TMEM196: variants seen among roughly 807,000 people sequenced by gnomAD.
TMEM196 encodes transmembrane protein 196.
In TMEM196, 17 loss-of-function variants were observed where a neutral mutation model predicts 20.0. That is an observed-to-expected ratio of 0.85 (90% CI 0.58 to 1.27). The LOEUF is 1.27. TMEM196 is among the 50% of genes most tolerant of loss of function. The probability of loss-of-function intolerance (pLI) is 0.00; values close to 1 mark genes in which losing one functional copy is unlikely to be tolerated. For missense variants in TMEM196, 267 were observed against 223.0 expected (o/e 1.20, Z -1.26); for synonymous variants, 113 against 88.9 (o/e 1.27, Z -1.52).
chr7:19,758,891 C>T (rs186450797), intron 1 of TMEM196, among the ~76,000 whole-genome samples: 53 of 152,286 alleles, frequency 3.5e-4, no homozygotes, highest in Non-Finnish European at 6.5e-4. Context: ...ACTTGACTTG[C>T]TCTCTCTTTT....
chr7:19,740,311 A>T (rs985127441), intron 1 of TMEM196, among the ~76,000 whole-genome samples: 2 of 152,166 alleles, frequency 1.3e-5, no homozygotes, highest in Non-Finnish European at 2.9e-5. Context: ...TTATCTATAT[A>T]CAAGTTTGCT....
chr7:19,725,181 C>T (rs1349825848), intron 3 of TMEM196, among the ~76,000 whole-genome samples: 1 of 152,168 alleles, frequency 6.6e-6, no homozygotes, highest in Non-Finnish European at 1.5e-5. Flanking sequence ...ATTTCTAAAA[C>T]TGGCATTATT....
intron 1 of TMEM196, among the ~76,000 whole-genome samples, chr7:19,742,645 C>A (rs1583435240): frequency 6.6e-6 from 1 of 152,270 alleles, no homozygotes; most frequent in East Asian, 1.9e-4. Flanking sequence ...TGTTTCTTCT[C>A]CACAGGTAGT....
chr7:19,724,300 CG>C lies in TMEM196; in HGVS notation c.512del (p.Pro171ArgfsTer23). ...TDLPSCPVVP[P>X]TPELPTRK The stretch of plus-strand genomic sequence containing the variant: ...CGTACCTTGTAGGTAACTCTGGTGT[CG>C]GGGGCACCACCGGGCAGCTGGGCAA... On this transcript the variant is annotated frameshift_variant, in exon 4 of 5. Transcript: ENST00000405844. LOFTEE classifies it high-confidence loss of function. The C allele has an allele frequency of 6.5e-7, 1 of 1,550,226 alleles. No individual in the cohort carries two copies. Among genetic ancestry groups the C allele is most frequent in the Non-Finnish European group, 8.7e-7 (1 of 1,146,832 alleles).
At chr7:19,743,842 A>C (rs886958521) in intron 1 of TMEM196, among the ~76,000 whole-genome samples, 2 of 152,196 alleles carry the variant, frequency 1.3e-5, no homozygotes, top group African/African-American at 4.8e-5. Flanking sequence ...GAGAATTTTA[A>C]ATCAAATCTC....
chr7:19,763,009 A>G (rs1260482296), intron 1 of TMEM196, among the ~76,000 whole-genome samples: 1 of 152,220 alleles, frequency 6.6e-6, no homozygotes, highest in Non-Finnish European at 1.5e-5. Flanking sequence ...TAAATTGTAT[A>G]TCGATGACAA....
chr7:19,729,451 A>G lies in TMEM196; in HGVS notation c.148-13T>C. The G allele has an allele frequency of 6.5e-7, 1 of 1,550,028 alleles. No homozygotes were observed. Among genetic ancestry groups the G allele is most frequent in the Admixed American group, 2.0e-5 (1 of 50,974 alleles). On this transcript the variant is annotated splice_polypyrimidine_tract_variant and intron_variant, in intron 1 of 4. Coordinates refer to ENST00000405844, the MANE Select transcript of TMEM196 (RefSeq NM_001363562.2). ...CACAAAGAAGAAACTGAAAAGGAAAAGAAGAACAATTACTCCTTATCCAAA... is the reference window on the plus strand; with the variant it reads ...CACAAAGAAGAAACTGAAAAGGAAAGGAAGAACAATTACTCCTTATCCAAA...
rs1783757911 is a variant in TMEM196, at chr7:19,719,860, T to G, written c.*2268A>C. ...AATAATTGTGATGATGGCATCTCTT[T>G]TTAACTATACATCAAAGCAGTGATA... On this transcript the variant is annotated 3_prime_UTR_variant, in exon 5 of 5. Coordinates refer to ENST00000405844, the MANE Select transcript of TMEM196 (RefSeq NM_001363562.2). 1 of 152,134 alleles carries G rather than the reference T, an allele frequency of 6.6e-6. No individual in the cohort carries two copies. Among genetic ancestry groups the G allele is most frequent in the African/African-American group, 2.4e-5 (1 of 41,466 alleles). 9.4% of individuals were successfully genotyped at this position (152,134 alleles called of 1,614,324 possible).
intron 1 of TMEM196, among the ~76,000 whole-genome samples, chr7:19,747,275 TAAAATAAAAATAA>T (rs912862768): frequency 2.8e-5 from 3 of 107,204 alleles, no homozygotes; most frequent in South Asian, 2.8e-4. Flanking sequence ...ATAAATAAAA[TAAAATAAAAATAA>T]AAAATAAAAA....
intron 1 of TMEM196, among the ~76,000 whole-genome samples, chr7:19,753,453 G>C (rs772434179): frequency 6.6e-6 from 1 of 152,040 alleles, no homozygotes; most frequent in Admixed American, 6.6e-5. Flanking sequence ...CAGAAAGTCC[G>C]ACTTAATTGC....
At chr7:19,768,588 A>G (rs1049788669) in intron 1 of TMEM196, among the ~76,000 whole-genome samples, 3 of 152,124 alleles carry the variant, frequency 2.0e-5, no homozygotes, top group Non-Finnish European at 4.4e-5. Flanking sequence ...TCACATGACT[A>G]TATCTTTTCC....
Position 19,725,562 on chromosome 7 carries a change from G to T in TMEM196, c.411C>A (p.Phe137Leu). 6.2e-7 allele frequency: 1 copy of T among 1,613,644 alleles called. No individual in the cohort carries two copies. Among genetic ancestry groups the T allele is most frequent in the Non-Finnish European group, 8.5e-7 (1 of 1,179,630 alleles). The change falls in exon 3 of 5, where the codon TTC becomes TTA. Residue 137 changes from phenylalanine (F) to leucine (L), a missense_variant. Physicochemically the swap from Phe to Leu is conservative, Grantham distance 22 (BLOSUM62 0). Coordinates refer to ENST00000405844, the MANE Select transcript of TMEM196 (RefSeq NM_001363562.2). ...GATGCAGGGAATGCTCCCTTTCTGA[G>T]AACATCCTCCTCTGTTCATAACTGG... ...RLASYEQRRM[F>L]SEREHSLHHS...
At position 19,722,133 on chromosome 7, in the gene TMEM196, T is replaced by G; in HGVS notation, c.535A>C (p.Lys179Gln). 1 of 1,607,586 alleles carries G rather than the reference T, an allele frequency of 6.2e-7. No individual in the cohort carries two copies. ...VPPTPELPTR[K>Q] ...TCCATTGCTCATGTTGTCTGTTATT[T>G]CCTGTTAGAAAAATGACATGATTAA... is the stretch of plus-strand genomic sequence containing the variant. Residue 179 changes from lysine (K) to glutamine (Q), a missense_variant and splice_region_variant, in exon 5 of 5, where the codon AAA becomes CAA. Physicochemically the swap from Lys to Gln is moderately conservative, Grantham distance 53. Coordinates refer to ENST00000405844, the MANE Select transcript of TMEM196 (RefSeq NM_001363562.2).
intron 1 of TMEM196, among the ~76,000 whole-genome samples, chr7:19,772,192 C>A (rs1785908446): frequency 6.6e-6 from 1 of 152,028 alleles, no homozygotes; most frequent in African/African-American, 2.4e-5. Context: ...AGTGAGCCTG[C>A]CCTTGACAGG....
intron 1 of TMEM196, among the ~76,000 whole-genome samples, chr7:19,732,614 T>C (rs1466679413): frequency 8.1e-6 from 1 of 124,038 alleles, no homozygotes; most frequent in Non-Finnish European, 1.7e-5. Context: ...ATGGAAGTGA[T>C]TTTTAGAGTT....
At chr7:19,749,894 AAC>A (rs1321402039) in intron 1 of TMEM196, among the ~76,000 whole-genome samples, 2 of 152,200 alleles carry the variant, frequency 1.3e-5, no homozygotes, top group Non-Finnish European at 2.9e-5. Flanking sequence ...CGTCTGGCAT[AAC>A]TATACTACTC....
intron 1 of TMEM196, among the ~76,000 whole-genome samples, chr7:19,759,344 G>A (rs545695488): frequency 6.6e-6 from 1 of 152,040 alleles, no homozygotes; most frequent in African/African-American, 2.4e-5. Flanking sequence ...TATCTCTCTG[G>A]CCAAACTTCT....
intron 1 of TMEM196, among the ~76,000 whole-genome samples, chr7:19,767,864 TTTC>T (rs1398935216): frequency 6.6e-6 from 1 of 152,008 alleles, no homozygotes; most frequent in East Asian, 1.9e-4. Context: ...CTTTATTTTA[TTTC>T]TTTTTTATTA....
intron 4 of TMEM196, among the ~76,000 whole-genome samples, chr7:19,723,908 A>T (rs1783896273): frequency 6.6e-6 from 1 of 152,172 alleles, no homozygotes; most frequent in Non-Finnish European, 1.5e-5. Flanking sequence ...CATGAGGAAA[A>T]TACACAGTTT....
Sources: gnomAD v4.1 joint callset for allele counts (sites outside exome capture counted in the v4.1 genomes callset) on GRCh38, gnomAD v4.1.1 for gene constraint, MANE v1.5 for transcripts, NCBI Gene and HGNC (gene_info 2026-07-23, HGNC 2026-07-21) for gene names.